MATN2: variants seen among roughly 807,000 people sequenced by gnomAD.
MATN2 encodes the protein matrilin 2.
A neutral mutation model predicts 103.2 loss-of-function variants in MATN2; 69 were observed. The observed-to-expected ratio is 0.67, with a 90% CI of 0.55 to 0.82. The LOEUF (loss-of-function observed/expected upper bound fraction) is 0.82. MATN2 is among the 40% of genes least tolerant of loss of function. The probability of loss-of-function intolerance (pLI) is 0.00; values close to 1 mark genes in which losing one functional copy is unlikely to be tolerated. For missense variants in MATN2, 1,023 were observed against 1,211.5 expected, an observed-to-expected ratio of 0.84 and a Z score of 2.31; for synonymous variants, 429 against 450.2, an observed-to-expected ratio of 0.95 and a Z score of 0.60.
chr8:97,905,207 C>CATT lies in MATN2; in HGVS notation c.142+16966_142+16968dup, dbSNP rs200665009. ...GGCCTCCTTTCTAATCCTTTGCATT[C>CATT]ATTTACTTGTTTATTGTGATAAAAT... On this transcript the variant is annotated intron_variant, in intron 2 of 18. Transcript: ENST00000254898. Among the ~76,000 whole-genome samples the CATT allele has an allele frequency of 6.1e-3, 936 of 152,236 alleles. 16 individuals carry two copies. Among genetic ancestry groups the CATT allele is most frequent in the African/African-American group, 0.021 (859 of 41,546 alleles).
At chr8:97,984,496 G>A (rs1374810128) in intron 6 of MATN2, among the ~76,000 whole-genome samples, 1 of 152,140 alleles carries the variant, frequency 6.6e-6, no homozygotes, top group Non-Finnish European at 1.5e-5. Context: ...ATGAATGATT[G>A]GTTGGTTTGT....
intron 4 of MATN2, among the ~76,000 whole-genome samples, chr8:97,958,888 A>C (rs987838764): frequency 1.3e-5 from 2 of 151,988 alleles, no homozygotes; most frequent in African/African-American, 4.8e-5. Context: ...GGTCTTTCCC[A>C]TCCTCTCTTC....
chr8:97,923,165 C>A (rs934735490), intron 2 of MATN2, among the ~76,000 whole-genome samples: 1 of 151,320 alleles, frequency 6.6e-6, no homozygotes, highest in Non-Finnish European at 1.5e-5. Context: ...TAGCTCATTA[C>A]GATCATGGCT....
chr8:98,033,411 T>C, intron 17 of MATN2, 150 bp from the exon 18 acceptor site: 1 of 639,294 alleles, frequency 1.6e-6, no homozygotes, highest in Non-Finnish European at 2.7e-6. Context: ...TATACAGTGC[T>C]TTCCTGGTAT....
At chr8:97,999,880 T>A (rs6988969) in intron 7 of MATN2, among the ~76,000 whole-genome samples, 14,292 of 121,416 alleles carry the variant, frequency 0.12, 913 homozygotes, top group Admixed American at 0.22. Flanking sequence ...TTTTTTTTTT[T>A]AATTTTTTAA....
chr8:97,910,753 A>G (rs1809387187), intron 2 of MATN2, among the ~76,000 whole-genome samples: 1 of 152,180 alleles, frequency 6.6e-6, no homozygotes, highest in Non-Finnish European at 1.5e-5. Flanking sequence ...TCCACCAGTT[A>G]CTAACTGTGT....
chr8:97,906,322 A>G (rs1819169551), intron 2 of MATN2, among the ~76,000 whole-genome samples: 1 of 152,178 alleles, frequency 6.6e-6, no homozygotes, highest in African/African-American at 2.4e-5. Flanking sequence ...GGTCCCTGAT[A>G]CAAATAAAGG....
chr8:98,021,250 G>A lies in MATN2; in HGVS notation c.1865G>A (p.Cys622Tyr). ...KSTHHGCEHI[C>Y]VNNGNSYICK... ...ACCCACCATGGCTGCGAACACATTT[G>A]TGTTAATAATGGGAATTCCTACATC... The change falls in exon 13 of 19, where the codon TGT becomes TAT. Residue 622 changes from cysteine (C) to tyrosine (Y), a missense_variant. Cys to Tyr is a radical substitution (Grantham distance 194). Transcript: ENST00000254898. 6.2e-7 allele frequency: 1 copy of A among 1,613,784 alleles called. No individual in the cohort carries two copies. The highest frequency in any genetic ancestry group is 8.5e-7 in the Non-Finnish European group (1 of 1,179,720).
intron 2 of MATN2, among the ~76,000 whole-genome samples, chr8:97,892,594 G>T (rs1327285956): frequency 6.6e-6 from 1 of 152,142 alleles, no homozygotes; most frequent in African/African-American, 2.4e-5. Flanking sequence ...AAAGGGAAGA[G>T]CATTTAAATA....
chr8:97,906,923 A>G (rs950258924), intron 2 of MATN2, among the ~76,000 whole-genome samples: 3 of 150,756 alleles, frequency 2.0e-5, no homozygotes, highest in Admixed American at 1.3e-4. Flanking sequence ...CCATTTTCTT[A>G]CTGAGCTCTG....
chr8:97,884,891 A>G (rs749392290), intron 1 of MATN2, among the ~76,000 whole-genome samples: 1 of 152,240 alleles, frequency 6.6e-6, no homozygotes, highest in Non-Finnish European at 1.5e-5. Context: ...GATTGATTCT[A>G]TATAACAATT....
chr8:98,006,141 G>GC (rs1230143151), intron 8 of MATN2, among the ~76,000 whole-genome samples: 2 of 152,234 alleles, frequency 1.3e-5, no homozygotes, highest in Non-Finnish European at 2.9e-5. Context: ...GGCACTTGCT[G>GC]CCCGGAGGAC....
chr8:97,895,155 G>A (rs1225243857), intron 2 of MATN2, among the ~76,000 whole-genome samples: 2 of 152,192 alleles, frequency 1.3e-5, no homozygotes, highest in African/African-American at 4.8e-5. Context: ...TTACAGGCGT[G>A]AGCCACCGTG....
chr8:97,893,460 C>G (rs1257592251), intron 2 of MATN2, among the ~76,000 whole-genome samples: 1 of 152,194 alleles, frequency 6.6e-6, no homozygotes, highest in Non-Finnish European at 1.5e-5. Flanking sequence ...TTTGTTACCC[C>G]ACTTTCCTAT....
Position 97,892,838 on chromosome 8 carries a change from A to G in MATN2, c.142+4596A>G, listed in dbSNP as rs1043587962. Among the ~76,000 whole-genome samples, 3 of 152,094 alleles carry G rather than the reference A, an allele frequency of 2.0e-5. 1 individual carries two copies. Among genetic ancestry groups the G allele is most frequent in the Non-Finnish European group, 4.4e-5 (3 of 68,020 alleles). ...CTCAGGGACCCCTAGAATTCCCCAAACTACACTTGAGAATGGCTGGTTTAA... is the reference window on the plus strand; with the variant it reads ...CTCAGGGACCCCTAGAATTCCCCAAGCTACACTTGAGAATGGCTGGTTTAA... On this transcript the variant is annotated intron_variant, in intron 2 of 18. Transcript: ENST00000254898.
chr8:97,873,441 C>T (rs890067130), intron 1 of MATN2, among the ~76,000 whole-genome samples: 6 of 151,894 alleles, frequency 4.0e-5, no homozygotes, highest in African/African-American at 1.5e-4. Context: ...CTCTGCCTCC[C>T]AGGTTCAGGT....
intron 15 of MATN2, 105 bp from the exon 16 acceptor site, chr8:98,032,141 G>A (rs7357605): frequency 1.2e-6 from 1 of 851,342 alleles, no homozygotes; most frequent in Non-Finnish European, 1.9e-6. Flanking sequence ...AAAAACCTTA[G>A]GTTATGGCAG....
intron 2 of MATN2, among the ~76,000 whole-genome samples, chr8:97,920,782 G>A (rs1809783131): frequency 6.6e-6 from 1 of 152,140 alleles, no homozygotes; most frequent in South Asian, 2.1e-4. Context: ...ATTGGAAAGT[G>A]ACATCTGGAA....
chr8:97,995,234 C>T (rs560847438), intron 7 of MATN2, among the ~76,000 whole-genome samples: 2 of 152,248 alleles, frequency 1.3e-5, no homozygotes, highest in Admixed American at 6.5e-5. Flanking sequence ...ATGGACGGCC[C>T]ACAAGGACAG....
Sources: allele counts gnomAD v4.1 joint callset (sites outside exome capture counted in the v4.1 genomes callset), GRCh38; gene constraint gnomAD v4.1.1; transcripts MANE v1.5; gene names NCBI Gene and HGNC (gene_info 2026-07-23, HGNC 2026-07-21).